Variants in CCDC91 observed in about 807,000 individuals in gnomAD.
CCDC91 encodes the protein coiled-coil domain containing 91, also known as coiled-coil domain-containing protein 91.
Under a neutral mutation model 63.2 loss-of-function variants are expected in CCDC91, and 48 were observed. The ratio of observed to expected loss-of-function variants is 0.76; its 90% CI spans 0.60 to 0.97. The LOEUF (loss-of-function observed/expected upper bound fraction) is 0.97. Among genes scored for constraint, CCDC91 ranks in the 50% least tolerant of loss-of-function variants. The pLI is 0.00. For synonymous variants in CCDC91, 167 were observed against 165.8 expected (o/e 1.01, Z -0.06); for missense variants, 500 against 494.6 (o/e 1.01, Z -0.10).
intron 8 of CCDC91, among the ~76,000 whole-genome samples, chr12:28,449,827 CTAA>C (rs372735581): frequency 1.3e-4 from 19 of 151,894 alleles, no homozygotes; most frequent in African/African-American, 4.3e-4. Context: ...TTGCTGCAAG[CTAA>C]TAATAATCAT....
intron 3 of CCDC91, among the ~76,000 whole-genome samples, chr12:28,268,155 A>C (rs1303288034): frequency 6.6e-6 from 1 of 150,756 alleles, no homozygotes; most frequent in African/African-American, 2.4e-5. Context: ...CCTCTGCCTC[A>C]CGGGTTCAAG....
intron 12 of CCDC91, among the ~76,000 whole-genome samples, chr12:28,507,864 A>G (rs2141240787): frequency 1.3e-5 from 2 of 152,080 alleles, no homozygotes; most frequent in Middle Eastern, 3.4e-3. Context: ...AGGATCAGGC[A>G]AAATATAGTT....
chr12:28,366,422 T>G (rs1944277217), intron 7 of CCDC91, among the ~76,000 whole-genome samples: 1 of 152,192 alleles, frequency 6.6e-6, no homozygotes, highest in Non-Finnish European at 1.5e-5. Context: ...CAGAAAACTA[T>G]TAGATAATAC....
chr12:28,522,003 A>G (rs551060464), intron 12 of CCDC91, among the ~76,000 whole-genome samples: 13 of 152,302 alleles, frequency 8.5e-5, no homozygotes, highest in South Asian at 8.3e-4. Context: ...TTTTGCATCA[A>G]TGTTCATCAG....
At chr12:28,374,532 C>T (rs1242455660) in intron 7 of CCDC91, among the ~76,000 whole-genome samples, 4 of 152,120 alleles carry the variant, frequency 2.6e-5, no homozygotes, top group African/African-American at 9.7e-5. Context: ...TTATTTTCCT[C>T]ATGGATAATC....
In CCDC91 at chr12:28,247,405, G is replaced by A. The variant is rs868140152; in HGVS notation, c.-14-9797G>A. 1.9e-4 allele frequency among the ~76,000 whole-genome samples: 29 copies of A among 151,736 alleles called. 1 individual carries two copies. The highest frequency in any genetic ancestry group is 6.0e-4 in the African/African-American group (25 of 41,356). On this transcript the variant is annotated intron_variant, in intron 1 of 12. Transcript: ENST00000536442. Reference sequence around the variant, plus strand: ...TAAGCCAGGAGAATGGCGTGAACCCGGGAGGCGGAGCTTGCAGTTAGCCGA... The same window carrying A: ...TAAGCCAGGAGAATGGCGTGAACCCAGGAGGCGGAGCTTGCAGTTAGCCGA...
At chr12:28,193,734 A>G (rs953362312) in intron 1 of CCDC91, among the ~76,000 whole-genome samples, 29 of 152,182 alleles carry the variant, frequency 1.9e-4, no homozygotes. Flanking sequence ...TTTTATTTTT[A>G]ATGTTAGCTA....
At chr12:28,225,242 C>T (rs1944194145) in intron 1 of CCDC91, among the ~76,000 whole-genome samples, 1 of 152,048 alleles carries the variant, frequency 6.6e-6, no homozygotes, top group African/African-American at 2.4e-5. Flanking sequence ...GCCATTTTCC[C>T]CCTTGATCTG....
At chr12:28,261,265 G>T (rs1394236915) in intron 3 of CCDC91, among the ~76,000 whole-genome samples, 1 of 152,016 alleles carries the variant, frequency 6.6e-6, no homozygotes, top group East Asian at 1.9e-4. Flanking sequence ...TCAGAAGAAA[G>T]GTTAGGGCTG....
chr12:28,193,126 A>G lies in CCDC91; in HGVS notation c.-15+2485A>G, dbSNP rs200678245. Among the ~76,000 whole-genome samples, 4 of 152,300 alleles carry G rather than the reference A, an allele frequency of 2.6e-5. No individual in the cohort carries two copies. The East Asian group carries it at 5.8e-4, about 22-fold the overall frequency. On this transcript the variant is annotated intron_variant, in intron 1 of 12. Coordinates refer to ENST00000536442, the MANE Select transcript of CCDC91 (RefSeq NM_018318.5). ...TTTCATTGTGTGAATATATCATAGT[A>G]TGTTTATTCGCCATTTGATGAACAA...
intron 8 of CCDC91, among the ~76,000 whole-genome samples, chr12:28,391,620 T>C (rs1423120022): frequency 6.6e-6 from 1 of 152,196 alleles, no homozygotes; most frequent in Non-Finnish European, 1.5e-5. Context: ...CCCACATTAA[T>C]GATTATTCTT....
intron 7 of CCDC91, among the ~76,000 whole-genome samples, chr12:28,378,771 C>T (rs1047463437): frequency 7.9e-5 from 12 of 151,970 alleles, no homozygotes; most frequent in Non-Finnish European, 1.8e-4. Flanking sequence ...GAGTTTGGCC[C>T]ACTAGCATGC....
At chr12:28,288,584 T>G (rs1327324545) in intron 3 of CCDC91, among the ~76,000 whole-genome samples, 1 of 152,118 alleles carries the variant, frequency 6.6e-6, no homozygotes, top group Non-Finnish European at 1.5e-5. Context: ...GCTGCTGGAT[T>G]TGGTTTGCCA....
chr12:28,523,112 C>A (rs1397494031), intron 12 of CCDC91, among the ~76,000 whole-genome samples: 2 of 152,148 alleles, frequency 1.3e-5, no homozygotes, highest in African/African-American at 4.8e-5. Context: ...GAGCTGAATT[C>A]AATTCCTGGA....
chr12:28,371,655 T>G (rs761789154), intron 7 of CCDC91, among the ~76,000 whole-genome samples: 3 of 152,220 alleles, frequency 2.0e-5, no homozygotes, highest in Non-Finnish European at 4.4e-5. Context: ...ATTACCCTTA[T>G]AATTACTGCT....
At chr12:28,415,046 G>C (rs963599194) in intron 8 of CCDC91, among the ~76,000 whole-genome samples, 5 of 152,072 alleles carry the variant, frequency 3.3e-5, no homozygotes, top group African/African-American at 1.2e-4. Context: ...GATACCTCTA[G>C]GGTTTTAAAT....
At chr12:28,394,873 T>C (rs1565906074) in intron 8 of CCDC91, among the ~76,000 whole-genome samples, 1 of 152,172 alleles carries the variant, frequency 6.6e-6, no homozygotes, top group Non-Finnish European at 1.5e-5. Flanking sequence ...CTCATTTTTT[T>C]CCTCTATGGA....
At chr12:28,256,515 T>C (rs1946462186) in intron 1 of CCDC91, among the ~76,000 whole-genome samples, 1 of 152,006 alleles carries the variant, frequency 6.6e-6, no homozygotes, top group Admixed American at 6.6e-5. Flanking sequence ...AAGCAAATAA[T>C]ATTTGAGTGC....
chr12:28,438,810 C>T (rs1191500359), intron 8 of CCDC91, among the ~76,000 whole-genome samples: 1 of 152,226 alleles, frequency 6.6e-6, no homozygotes, highest in Non-Finnish European at 1.5e-5. Context: ...CATGGCATAA[C>T]CCCATCTTAA....
Sources: gnomAD v4.1 joint callset for allele counts (sites outside exome capture counted in the v4.1 genomes callset) on GRCh38, gnomAD v4.1.1 for gene constraint, MANE v1.5 for transcripts, NCBI Gene and HGNC (gene_info 2026-07-23, HGNC 2026-07-21) for gene names.